The following SEMA5A variants were observed in gnomAD, a reference collection of about 807,000 sequenced individuals.
SEMA5A encodes the protein semaphorin-5A.
Under a neutral mutation model 135.5 loss-of-function variants are expected in SEMA5A, and 55 were observed. That is an observed-to-expected ratio of 0.41 (90% CI 0.33 to 0.51). The LOEUF is 0.51. Ranked by LOEUF, SEMA5A falls within the 20% of genes least tolerant of loss-of-function variation. The probability of loss-of-function intolerance (pLI) is 0.37; values close to 1 mark genes in which losing one functional copy is unlikely to be tolerated. For missense variants in SEMA5A, 1,290 were observed against 1,419.9 expected, an observed-to-expected ratio of 0.91 and a Z score of 1.47; for synonymous variants, 580 against 546.5, an observed-to-expected ratio of 1.06 and a Z score of -0.85.
At chr5:9,529,789 G>A (rs561013699) in intron 1 of SEMA5A, among the ~76,000 whole-genome samples, 12 of 152,324 alleles carry the variant, frequency 7.9e-5, no homozygotes, top group Non-Finnish European at 1.5e-4. Context: ...CTCAAGAAGA[G>A]GGTGGGGGTA....
At position 9,119,148 on chromosome 5, in the gene SEMA5A, G is replaced by C; in HGVS notation, c.1782-7C>G. 6.2e-7 allele frequency: 1 copy of C among 1,612,894 alleles called. No homozygotes were observed. The highest frequency in any genetic ancestry group is 2.2e-5 in the East Asian group (1 of 44,842). ...GGGAGTCCAGCCTCCGTTCCTGAGGGAAGGGAAGCAATGCAATCATTAGGT... is the reference window on the plus strand; with the variant it reads ...GGGAGTCCAGCCTCCGTTCCTGAGGCAAGGGAAGCAATGCAATCATTAGGT... On this transcript the variant is annotated splice_polypyrimidine_tract_variant and splice_region_variant and intron_variant, in intron 14 of 22. Coordinates refer to ENST00000382496, the MANE Select transcript of SEMA5A (RefSeq NM_003966.3).
At chr5:9,327,952 C>T (rs1396017063) in intron 4 of SEMA5A, among the ~76,000 whole-genome samples, 2 of 152,056 alleles carry the variant, frequency 1.3e-5, no homozygotes, top group African/African-American at 4.8e-5. Flanking sequence ...GTTCCTTTAA[C>T]CTGTGATTTC....
chr5:9,049,510 T>G (rs1197827535), intron 21 of SEMA5A, among the ~76,000 whole-genome samples: 2 of 152,222 alleles, frequency 1.3e-5, no homozygotes, highest in African/African-American at 4.8e-5. Flanking sequence ...TTAGGAATGA[T>G]AAGTACATTC....
At chr5:9,350,765 C>T (rs958734773) in intron 3 of SEMA5A, among the ~76,000 whole-genome samples, 2 of 152,202 alleles carry the variant, frequency 1.3e-5, no homozygotes, top group Non-Finnish European at 2.9e-5. Flanking sequence ...ACAATCTTTC[C>T]CAAGCTTTTC....
intron 1 of SEMA5A, among the ~76,000 whole-genome samples, chr5:9,542,121 T>TA (rs1738124873): frequency 6.6e-6 from 1 of 152,204 alleles, no homozygotes; most frequent in Non-Finnish European, 1.5e-5. Flanking sequence ...AACCAATTCT[T>TA]AAAAAATTCA....
chr5:9,122,957 G>A (rs1466589922), intron 13 of SEMA5A, 120 bp from the exon 14 acceptor site: 1 of 975,398 alleles, frequency 1.0e-6, no homozygotes, highest in African/African-American at 1.7e-5. Flanking sequence ...TGTTGTTGTT[G>A]CTGCAGTTAG....
At chr5:9,149,868 G>T (rs930416724) in intron 12 of SEMA5A, among the ~76,000 whole-genome samples, 1 of 152,214 alleles carries the variant, frequency 6.6e-6, no homozygotes, top group Non-Finnish European at 1.5e-5. Flanking sequence ...GAGGTGGGAA[G>T]CCTATGAGTT....
At chr5:9,299,900 C>T (rs1170088027) in intron 5 of SEMA5A, among the ~76,000 whole-genome samples, 2 of 152,240 alleles carry the variant, frequency 1.3e-5, no homozygotes, top group Non-Finnish European at 2.9e-5. Context: ...GTTTTAAGGC[C>T]CCTCAGTGGC....
chr5:9,185,365 T>C (rs1013609251), intron 11 of SEMA5A, among the ~76,000 whole-genome samples: 1 of 152,222 alleles, frequency 6.6e-6, no homozygotes. Flanking sequence ...TAAACCTCTA[T>C]ATGAATGTTT....
intron 5 of SEMA5A, among the ~76,000 whole-genome samples, chr5:9,305,829 A>G (rs892308124): frequency 3.3e-5 from 5 of 151,962 alleles, no homozygotes; most frequent in Admixed American, 1.3e-4. Context: ...CTCAGGGGAA[A>G]TCTTGGTCCC....
chr5:9,379,641 A>C (rs1755507647), intron 3 of SEMA5A, among the ~76,000 whole-genome samples, 182 bp downstream of exon 3: 2 of 152,228 alleles, frequency 1.3e-5, no homozygotes, highest in African/African-American at 4.8e-5. Context: ...GGTGGTAATC[A>C]GTTTCTGGAT....
intron 5 of SEMA5A, among the ~76,000 whole-genome samples, chr5:9,244,599 A>G (rs752655882): frequency 6.6e-6 from 1 of 152,252 alleles, no homozygotes; most frequent in African/African-American, 2.4e-5. Context: ...GCACTTGGGC[A>G]GGCAGCTTGG....
chr5:9,508,694 T>A (rs1736043542), intron 1 of SEMA5A, among the ~76,000 whole-genome samples: 1 of 152,128 alleles, frequency 6.6e-6, no homozygotes, highest in Non-Finnish European at 1.5e-5. Context: ...GTCCCCTGCT[T>A]ACCACCGTCC....
intron 2 of SEMA5A, among the ~76,000 whole-genome samples, chr5:9,418,653 G>A (rs182729231): frequency 2.0e-5 from 3 of 152,180 alleles, no homozygotes; most frequent in East Asian, 1.9e-4. Context: ...TACTGACGGC[G>A]CACTAAACCA....
chr5:9,143,071 A>G (rs182370471), intron 12 of SEMA5A, among the ~76,000 whole-genome samples: 39 of 152,358 alleles, frequency 2.6e-4, no homozygotes, highest in African/African-American at 8.7e-4. Flanking sequence ...CAACTAGAAC[A>G]TACATTTTCA....
intron 3 of SEMA5A, among the ~76,000 whole-genome samples, chr5:9,357,445 A>G (rs574325072): frequency 6.6e-6 from 1 of 152,328 alleles, no homozygotes; most frequent in African/African-American, 2.4e-5. Flanking sequence ...TTGTTTTCAC[A>G]AACAACCGAC....
intron 6 of SEMA5A, among the ~76,000 whole-genome samples, chr5:9,229,180 G>C (rs1747482560): frequency 6.6e-6 from 1 of 152,204 alleles, no homozygotes; most frequent in African/African-American, 2.4e-5. Context: ...CTTATCATTG[G>C]AAGCTGAACT....
intron 11 of SEMA5A, among the ~76,000 whole-genome samples, chr5:9,174,758 C>A (rs1744113395): frequency 6.6e-6 from 1 of 152,206 alleles, no homozygotes; most frequent in Admixed American, 6.5e-5. Context: ...AGGAATTTGA[C>A]TTCTATGATT....
chr5:9,197,784 G>GTGTGTGTGTGTGTGTGTGTGTGTGTGTT (rs1554001604), intron 9 of SEMA5A, among the ~76,000 whole-genome samples: 1 of 108,646 alleles, frequency 9.2e-6, no homozygotes, highest in Admixed American at 1.1e-4. Flanking sequence ...GTGTGTGTGT[G>GTGTGTGTGTGTGTGTGTGTGTGTGTGTT]TTTTAACCCA....
Sources: allele counts gnomAD v4.1 joint callset (sites outside exome capture counted in the v4.1 genomes callset), GRCh38; gene constraint gnomAD v4.1.1; transcripts MANE v1.5; gene names NCBI Gene and HGNC (gene_info 2026-07-23, HGNC 2026-07-21).